The following MAST1 variants were observed in gnomAD, a reference collection of about 807,000 sequenced individuals.
MAST1 encodes the protein microtubule associated serine/threonine kinase 1, also known as microtubule-associated serine/threonine-protein kinase 1.
Under a neutral mutation model 124.6 loss-of-function variants are expected in MAST1, and 40 were observed. The ratio of observed to expected loss-of-function variants is 0.32; its 90% confidence interval spans 0.25 to 0.42. The LOEUF (loss-of-function observed/expected upper bound fraction) is 0.42. Ranked by LOEUF, MAST1 falls within the 10% of genes least tolerant of loss-of-function variation. The pLI is 1.00. For missense variants in MAST1, 1,558 were observed against 2,181.9 expected, an observed-to-expected ratio of 0.71 and a Z score of 5.70; for synonymous variants, 938 against 939.4, an observed-to-expected ratio of 1.00 and a Z score of 0.03.
chr19:12,869,278 G>A lies in MAST1; in HGVS notation c.2986G>A (p.Val996Ile), dbSNP rs2145911339. The A allele has an allele frequency of 6.2e-7, 1 of 1,613,882 alleles. No individual in the cohort carries two copies. Among genetic ancestry groups the A allele is most frequent in the South Asian group, 1.1e-5 (1 of 91,036 alleles). The change falls in exon 22 of 26, where the codon GTC becomes ATC. Residue 996 changes from valine (V) to isoleucine (I), a missense_variant. By Grantham distance (29) the Val-to-Ile change is conservative. Transcript: ENST00000251472. ...CATGGGTGACACGGATGTCTATAGT[G>A]TCCACCACATTGTCTGGGTGAGTAC... ...VYMGDTDVYSVHHIVWHVEEG... is the reference protein window; with the variant it reads ...VYMGDTDVYSIHHIVWHVEEG...
In MAST1 at chr19:12,838,770, T is replaced by G; in HGVS notation, c.83+115T>G. On this transcript the variant is annotated intron_variant, in intron 1 of 25. Transcript: ENST00000251472. The surrounding 1 kb of genome is among the most constrained non-coding windows in gnomAD (Gnocchi z 4.3). ...GCGCCCGGTCCAGCTGCGCCAGAGG[T>G]GCCCCAGCTGCGCCTTCCCGCCGGG... 18 of 767,578 alleles carry G rather than the reference T, an allele frequency of 2.3e-5. No individual in the cohort carries two copies. Among genetic ancestry groups the G allele is most frequent in the East Asian group, 1.6e-4 (3 of 18,784 alleles). 47.5% of individuals were successfully genotyped at this position (767,578 alleles called of 1,614,324 possible).
rs371453863 is a variant in MAST1 at position 12,858,517 on chromosome 19, C to G, written c.1158-14C>G. 87 of 1,613,068 alleles carry G rather than the reference C, an allele frequency of 5.4e-5. No homozygotes were observed. Among genetic ancestry groups the G allele is most frequent in the Admixed American group, 2.2e-4 (13 of 59,978 alleles). On this transcript the variant is annotated splice_polypyrimidine_tract_variant and intron_variant, in intron 11 of 25. Coordinates refer to ENST00000251472, the MANE Select transcript of MAST1 (RefSeq NM_014975.3). ...TCGGAGGTGACGGCCGGTCCTCGCT[C>G]TCTCCCCCTGCAGCGCTGTCTACCT...
Position 12,860,468 on chromosome 19 carries a change from CAG to C in MAST1, c.1366+1732_1366+1733del, listed in dbSNP as rs199720984. Among the ~76,000 whole-genome samples, 382 of 115,268 alleles carry C rather than the reference CAG, an allele frequency of 3.3e-3. 2 individuals are homozygous for C. Among genetic ancestry groups the C allele is most frequent in the African/African-American group, 0.012 (360 of 29,234 alleles). The allele number at this position is 115,268 out of a possible 152,430, so 75.6% of individuals were successfully genotyped here. On this transcript the variant is annotated intron_variant, in intron 12 of 25. Coordinates refer to ENST00000251472, the MANE Select transcript of MAST1 (RefSeq NM_014975.3). ...TTTCTTTTTTTTTTTTTTTTTGAGA[CAG>C]AGTCTTGCTCTGTCACCAGGCTCGA... is the stretch of plus-strand genomic sequence containing the variant.
rs1299809686 is a variant in MAST1 at position 12,866,641 on chromosome 19, C to T, written c.2030-12C>T. The T allele has an allele frequency of 2.5e-6, 4 of 1,596,024 alleles. No individual in the cohort carries two copies. Among genetic ancestry groups the T allele is most frequent in the African/African-American group, 1.3e-5 (1 of 74,568 alleles). On this transcript the variant is annotated splice_polypyrimidine_tract_variant and intron_variant, in intron 17 of 25. Coordinates refer to ENST00000251472, the MANE Select transcript of MAST1 (RefSeq NM_014975.3). The surrounding 1 kb of genome is among the most constrained non-coding windows in gnomAD (Gnocchi z 5.2). ...CCCGTACCCTCAGTCACAGCCCATA[C>T]CCGCTCCCCAGCCCGCTCAGACAGG...
At chr19:12,852,707 A>T (rs1006378000) in intron 10 of MAST1, among the ~76,000 whole-genome samples, 5 of 151,530 alleles carry the variant, frequency 3.3e-5, no homozygotes, top group Non-Finnish European at 5.9e-5. Context: ...AAATTAGCCA[A>T]GCCTGGTGGC....
chr19:12,867,528 G>C lies in MAST1; in HGVS notation c.2194G>C (p.Ala732Pro). The C allele has an allele frequency of 6.2e-7, 1 of 1,613,832 alleles. No homozygotes were observed. The highest frequency in any genetic ancestry group is 8.5e-7 in the Non-Finnish European group (1 of 1,180,008). The change falls in exon 19 of 26, where the codon GCT (alanine) becomes CCT (proline). Residue 732 changes from alanine (A) to proline (P), a missense_variant. Physicochemically the swap from Ala to Pro is conservative, Grantham distance 27 (BLOSUM62 -1). This residue lies in a region of MAST1 where 287 missense variants were observed against 308.0 expected (regional missense o/e 0.93). Coordinates refer to ENST00000251472, the MANE Select transcript of MAST1 (RefSeq NM_014975.3). The part of the protein sequence containing the change: ...SQHEPKTPVA[A>P]AGSSKREPST... ...GCACGAGCCCAAGACCCCAGTAGCA[G>C]CTGCAGGGAGCAGCAAGCGGGAGCC...
chr19:12,867,701 T>C (rs1970173428), intron 19 of MAST1, 29 bp from the exon 20 acceptor site: 1 of 1,534,994 alleles, frequency 6.5e-7, no homozygotes, highest in African/African-American at 1.4e-5. Flanking sequence ...AGGGGGCGTG[T>C]CTTCCATAAC....
rs1490932257 is a variant in MAST1 at position 12,841,707 on chromosome 19, C to T, written c.248+641C>T. Among the ~76,000 whole-genome samples, 1 of 152,094 alleles carries T rather than the reference C, an allele frequency of 6.6e-6. No homozygotes were observed. Among genetic ancestry groups the T allele is most frequent in the Non-Finnish European group, 1.5e-5 (1 of 68,030 alleles). ...ACCTGCTATGTTCTTAGGAGCTGGGCGTATGGGGTCAATGACGTCCTGTCT... is the reference window on the plus strand; with the variant it reads ...ACCTGCTATGTTCTTAGGAGCTGGGTGTATGGGGTCAATGACGTCCTGTCT... On this transcript the variant is annotated intron_variant, in intron 3 of 25. Coordinates refer to ENST00000251472, the MANE Select transcript of MAST1 (RefSeq NM_014975.3). The surrounding 1 kb of genome is among the most constrained non-coding windows in gnomAD (Gnocchi z 4.3).
chr19:12,841,162 C>G lies in MAST1; in HGVS notation c.248+96C>G. 1 of 705,074 alleles carries G rather than the reference C, an allele frequency of 1.4e-6. No individual in the cohort carries two copies. The highest frequency in any genetic ancestry group is 2.2e-5 in the Admixed American group (1 of 45,342). The allele number at this position is 705,074 out of a possible 1,614,324, so 43.7% of individuals were successfully genotyped here. On this transcript the variant is annotated intron_variant, in intron 3 of 25. Transcript: ENST00000251472. The surrounding 1 kb of genome is among the most constrained non-coding windows in gnomAD (Gnocchi z 4.3). ...TGTTCTCCTCCTAATTGCACCCGAG[C>G]TGGGGCCTGAGGGGACCAGCGAGTG...
intron 2 of MAST1, 111 bp from the exon 3 acceptor site, chr19:12,840,880 T>C (rs1969817909): frequency 1.3e-6 from 1 of 775,268 alleles, no homozygotes; most frequent in Non-Finnish European, 2.4e-6. Context: ...CGAAGGGGCG[T>C]GGTCTCCCCA....
chr19:12,865,327 C>T lies in MAST1; in HGVS notation c.1650C>T (p.Thr550=). ...REFLDKQVCG[T]PEYIAPEVIL... ...CAGCCTGCCCCCAGGTGTGTGGGAC[C>T]CCAGAGTACATCGCGCCCGAGGTCA... Residue 550 remains threonine, a synonymous_variant, in exon 15 of 26, where the codon ACC becomes ACT. Transcript: ENST00000251472. This position sits in a 1 kb window ranked among gnomAD's most constrained non-coding sequence, Gnocchi z 7.1. 6.3e-7 allele frequency: 1 copy of T among 1,595,374 alleles called. No homozygotes were observed. The highest frequency in any genetic ancestry group is 8.5e-7 in the Non-Finnish European group (1 of 1,170,900).
intron 12 of MAST1, among the ~76,000 whole-genome samples, chr19:12,861,394 A>G (rs1356229967): frequency 6.6e-6 from 1 of 152,166 alleles, no homozygotes; most frequent in Admixed American, 6.5e-5. Flanking sequence ...CATGAGGTCC[A>G]TGAGGCTGGA....
intron 12 of MAST1, among the ~76,000 whole-genome samples, chr19:12,862,379 A>G (rs1362256558): frequency 6.6e-6 from 1 of 151,760 alleles, no homozygotes; most frequent in Non-Finnish European, 1.5e-5. Flanking sequence ...GCAGCCTTGA[A>G]CTCCTGGGCT....
At position 12,874,674 on chromosome 19, in the gene MAST1, A is replaced by C. The variant is rs147923550; in HGVS notation, c.4517A>C (p.Glu1506Ala). The change falls in exon 26 of 26, where the codon GAG becomes GCG. Residue 1506 changes from glutamate to alanine, a missense_variant. Physicochemically the swap from Glu to Ala is moderately radical, Grantham distance 107. Transcript: ENST00000251472. The surrounding 1 kb of genome is among the most constrained non-coding windows in gnomAD (Gnocchi z 6.6). ...SKPASPKLSP[E>A]PQTPSLAPAK... ...CCCGCCTCCCCAAAGCTCTCCCCGG[A>C]GCCCCAGACACCCTCCCTAGCCCCA... 24 of 1,543,598 alleles carry C rather than the reference A, an allele frequency of 1.6e-5. No homozygotes were observed. The African/African-American group carries it at 3.3e-4, about 21-fold the overall frequency.
Position 12,843,447 on chromosome 19 carries a change from G to A in MAST1, c.249-82G>A, listed in dbSNP as rs1969855527. 9.4e-7 allele frequency: 1 copy of A among 1,069,096 alleles called. No homozygotes were observed. The highest frequency in any genetic ancestry group is 1.6e-5 in the African/African-American group (1 of 63,848). 66.2% of individuals were successfully genotyped at this position (1,069,096 alleles called of 1,614,324 possible). A position where few individuals can be genotyped will look rare whatever the true frequency, so the allele number is the denominator to read the frequency against. The stretch of plus-strand genomic sequence containing the variant: ...TTCCCCCAACCCCCACCCTGGCCCT[G>A]GCCAGTGGCTTCACCCACACCCTGA... On this transcript the variant is annotated intron_variant, in intron 3 of 25. Coordinates refer to ENST00000251472, the MANE Select transcript of MAST1 (RefSeq NM_014975.3). The surrounding 1 kb of genome is among the most constrained non-coding windows in gnomAD (Gnocchi z 4.9).
At chr19:12,873,124 AG>A in intron 24 of MAST1, 199 bp from the exon 25 acceptor site, 1 of 584,090 alleles carries the variant, frequency 1.7e-6, no homozygotes, top group East Asian at 2.9e-5. Context: ...GAGTGGCCAA[AG>A]GGGGTGGGTG....
rs1029537638 is a variant in MAST1, at chr19:12,852,330, G to A, written c.1012G>A (p.Val338Met). The A allele has an allele frequency of 3.1e-6, 5 of 1,614,126 alleles. No homozygotes were observed. The highest frequency in any genetic ancestry group is 2.2e-5 in the East Asian group (1 of 44,870). The change falls in exon 10 of 26, where the codon GTG becomes ATG. Residue 338 changes from valine to methionine, a missense_variant and splice_region_variant. Physicochemically the swap from Val to Met is conservative, Grantham distance 21. Coordinates refer to ENST00000251472, the MANE Select transcript of MAST1 (RefSeq NM_014975.3). The stretch of plus-strand genomic sequence containing the variant: ...GCTCACTCTCAGTCCCTCCCTAGAT[G>A]TGGTGCATCTGGAGGAACAGGACAG... Reference protein sequence around the residue: ...LGLTRDPFPDVVHLEEQDSGG... With the variant: ...LGLTRDPFPDMVHLEEQDSGG...
rs1969917509 is a variant in MAST1, at chr19:12,847,980, A to G, written c.697A>G (p.Thr233Ala). ...CATCGAGCTGGCCCGGGACTGCCTG[A>G]CCAAGTCCCGTGACGGCCTCATCAC... ...QIIELARDCL[T>A]KSRDGLITTV... The change falls in exon 7 of 26, where the codon ACC (threonine) becomes GCC (alanine). Residue 233 changes from threonine to alanine, a missense_variant. Physicochemically the swap from Thr to Ala is moderately conservative, Grantham distance 58 (BLOSUM62 0). This residue lies in a region of MAST1 where 165 missense variants were observed against 315.3 expected (regional missense o/e 0.52). Transcript: ENST00000251472. The surrounding 1 kb of genome is among the most constrained non-coding windows in gnomAD (Gnocchi z 5.5). 2.5e-5 allele frequency: 41 copies of G among 1,614,006 alleles called. No individual in the cohort carries two copies. The highest frequency in any genetic ancestry group is 3.5e-5 in the Non-Finnish European group (41 of 1,179,996).
chr19:12,865,888 C>A lies in MAST1; in HGVS notation c.1906+70C>A. 1.9e-6 allele frequency: 3 copies of A among 1,603,308 alleles called. No individual in the cohort carries two copies. The highest frequency in any genetic ancestry group is 2.6e-6 in the Non-Finnish European group (3 of 1,172,258). ...CAGGCCTCCAAAACCCCAGGCCCAGCCTGTGCTGTGGCCCCGGGGCGGAAG... is the reference window on the plus strand; with the variant it reads ...CAGGCCTCCAAAACCCCAGGCCCAGACTGTGCTGTGGCCCCGGGGCGGAAG... On this transcript the variant is annotated intron_variant, in intron 16 of 25. Coordinates refer to ENST00000251472, the MANE Select transcript of MAST1 (RefSeq NM_014975.3). This position sits in a 1 kb window ranked among gnomAD's most constrained non-coding sequence, Gnocchi z 7.1.
Sources: gnomAD v4.1 joint callset for allele counts (sites outside exome capture counted in the v4.1 genomes callset) on GRCh38, gnomAD v4.1.1 for gene constraint, gnomAD v4.1.1 regional missense constraint, Gnocchi (gnomAD v3.1) non-coding constraint, MANE v1.5 for transcripts, NCBI Gene and HGNC (gene_info 2026-07-23, HGNC 2026-07-21) for gene names.